The following SMOC2 variants were observed in gnomAD, a reference collection of about 807,000 sequenced individuals.
The protein encoded by SMOC2 is SPARC related modular calcium binding 2.
In SMOC2, 39 loss-of-function variants were observed where a neutral mutation model predicts 61.4. The ratio of observed to expected loss-of-function variants is 0.64; its 90% confidence interval spans 0.49 to 0.83. The LOEUF (loss-of-function observed/expected upper bound fraction) is 0.83, where lower values mean the gene tolerates loss of function less well. Among genes scored for constraint, SMOC2 ranks in the 40% least tolerant of loss-of-function variants. SMOC2 has a pLI of 0.00. For missense variants in SMOC2, 556 were observed against 592.9 expected, an observed-to-expected ratio of 0.94 and a Z score of 0.65; for synonymous variants, 247 against 239.9, an observed-to-expected ratio of 1.03 and a Z score of -0.27.
chr6:168,625,507 G>T (rs1047574851), intron 9 of SMOC2, among the ~76,000 whole-genome samples: 11 of 152,174 alleles, frequency 7.2e-5, no homozygotes, highest in Admixed American at 5.2e-4. Context: ...TCTTTTTATC[G>T]TAACATTTGC....
At chr6:168,450,736 A>T (rs1158219274) in intron 1 of SMOC2, among the ~76,000 whole-genome samples, 12 of 152,170 alleles carry the variant, frequency 7.9e-5, no homozygotes, top group Admixed American at 7.2e-4. Context: ...TCCTTTTAAG[A>T]ATGTGGTCCC....
chr6:168,642,329 T>C (rs1415453922), intron 9 of SMOC2, among the ~76,000 whole-genome samples: 2 of 152,248 alleles, frequency 1.3e-5, no homozygotes, highest in Non-Finnish European at 2.9e-5. Context: ...GTTTGAACAG[T>C]TGGCTACGTT....
chr6:168,630,025 C>A (rs577350102), intron 9 of SMOC2, among the ~76,000 whole-genome samples: 1 of 152,174 alleles, frequency 6.6e-6, no homozygotes, highest in African/African-American at 2.4e-5. Context: ...ACCCTCATTT[C>A]TCAGGGTTCT....
At chr6:168,487,896 ATATTC>A (rs1296232969) in intron 1 of SMOC2, among the ~76,000 whole-genome samples, 1 of 152,206 alleles carries the variant, frequency 6.6e-6, no homozygotes, top group Non-Finnish European at 1.5e-5. Context: ...ATTTACATGT[ATATTC>A]TATATGTAAA....
At chr6:168,491,578 C>T (rs530972900) in intron 1 of SMOC2, among the ~76,000 whole-genome samples, 5 of 152,164 alleles carry the variant, frequency 3.3e-5, no homozygotes, top group African/African-American at 1.2e-4. Context: ...GCTTCCTGTG[C>T]GTATGTAAAG....
At chr6:168,591,589 A>C (rs1463736725) in intron 7 of SMOC2, among the ~76,000 whole-genome samples, 1 of 150,454 alleles carries the variant, frequency 6.6e-6, no homozygotes, top group Non-Finnish European at 1.5e-5. Context: ...TGGGAGAATA[A>C]TAAATTATAC....
intron 1 of SMOC2, among the ~76,000 whole-genome samples, chr6:168,477,283 C>G (rs1782109777): frequency 6.6e-6 from 1 of 152,198 alleles, no homozygotes; most frequent in Non-Finnish European, 1.5e-5. Context: ...TTGAGATCAG[C>G]AACCGCAACC....
intron 7 of SMOC2, among the ~76,000 whole-genome samples, chr6:168,559,727 A>C (rs1784351614): frequency 6.6e-6 from 1 of 151,136 alleles, no homozygotes; most frequent in Admixed American, 6.6e-5. Flanking sequence ...ATCAACAGCA[A>C]CCCTCTCCCT....
chr6:168,597,842 G>A (rs1475310657), intron 7 of SMOC2, among the ~76,000 whole-genome samples: 1 of 152,230 alleles, frequency 6.6e-6, no homozygotes, highest in Non-Finnish European at 1.5e-5. Context: ...CCCCAGGTGA[G>A]GGCCAGTCAG....
intron 1 of SMOC2, among the ~76,000 whole-genome samples, chr6:168,451,167 C>A (rs1230346083): frequency 6.6e-6 from 1 of 152,190 alleles, no homozygotes; most frequent in East Asian, 1.9e-4. Flanking sequence ...AGCTTTCCCT[C>A]CCTCCCTCGG....
rs1450580471 is a variant in SMOC2, at chr6:168,453,457, T to C, written c.84+12003T>C. On this transcript the variant is annotated intron_variant, in intron 1 of 12. Coordinates refer to ENST00000356284, the MANE Select transcript of SMOC2 (RefSeq NM_001166412.2). This position sits in a 1 kb window ranked among gnomAD's most constrained non-coding sequence, Gnocchi z 4.4. ...GGCTCTCTCTTTCTCTCTGTCTCTG[T>C]GTGTCTCTCAGTTCTGTCTCTCAGT... Among the ~76,000 whole-genome samples the C allele has an allele frequency of 2.6e-5, 4 of 152,168 alleles. No homozygotes were observed. Among genetic ancestry groups the C allele is most frequent in the Non-Finnish European group, 5.9e-5 (4 of 68,024 alleles).
chr6:168,441,418 C>A lies in SMOC2; in HGVS notation c.48C>A (p.Leu16=). 1.3e-6 allele frequency: 2 copies of A among 1,509,676 alleles called. No individual in the cohort carries two copies. The highest frequency in any genetic ancestry group is 1.2e-5 in the South Asian group (1 of 80,688). The allele number at this position is 1,509,676 out of a possible 1,614,324, so 93.5% of individuals were successfully genotyped here. The change falls in exon 1 of 13, where the codon CTC becomes CTA. Residue 16 remains leucine, a synonymous_variant. Coordinates refer to ENST00000356284, the MANE Select transcript of SMOC2 (RefSeq NM_001166412.2). ...GGCTGCCGCTGCTCGCTGGGCTGCT[C>A]CCGCCGGTGCCCGCTCAGAAGTTCT... ...LCWLPLLAGL[L]PPVPAQKFSA... is the part of the protein sequence containing the mutation.
intron 1 of SMOC2, among the ~76,000 whole-genome samples, chr6:168,500,794 G>A (rs2115041923): frequency 6.6e-6 from 1 of 152,318 alleles, no homozygotes; most frequent in East Asian, 1.9e-4. Flanking sequence ...CTGCTTCACA[G>A]TGGCCGCCGA....
In SMOC2 at chr6:168,537,035, A is replaced by C. The variant is rs185696987; in HGVS notation, c.464-6590A>C. On this transcript the variant is annotated intron_variant, in intron 4 of 12. Coordinates refer to ENST00000356284, the MANE Select transcript of SMOC2 (RefSeq NM_001166412.2). ...GCAGCTCTCAGGGTACAGGGGAGACAAGCCCGTGGTCACCTCCCTCGGCCG... is the reference window on the plus strand; with the variant it reads ...GCAGCTCTCAGGGTACAGGGGAGACCAGCCCGTGGTCACCTCCCTCGGCCG... Among the ~76,000 whole-genome samples the C allele has an allele frequency of 2.7e-4, 41 of 152,344 alleles. 1 individual carries two copies. The highest frequency in any genetic ancestry group is 9.9e-4 in the African/African-American group (41 of 41,590).
chr6:168,554,019 G>A (rs778585297), intron 7 of SMOC2, among the ~76,000 whole-genome samples: 4 of 146,098 alleles, frequency 2.7e-5, no homozygotes, highest in South Asian at 2.2e-4. Flanking sequence ...TAAAACTCGC[G>A]TTTGAACTGC....
chr6:168,547,809 G>A (rs1322583421), intron 6 of SMOC2, among the ~76,000 whole-genome samples: 1 of 151,970 alleles, frequency 6.6e-6, no homozygotes, highest in Admixed American at 6.6e-5. Context: ...TGTTTTTCCT[G>A]ATGTCTTTGG....
rs574095108 is a variant in SMOC2, at chr6:168,560,514, C to T, written c.637+11311C>T. Among the ~76,000 whole-genome samples the T allele has an allele frequency of 1.4e-5, 2 of 146,256 alleles. 1 individual carries two copies. Among genetic ancestry groups the T allele is most frequent in the South Asian group, 4.3e-4 (2 of 4,606 alleles). ...TTCTGGCCCTGAGATGTGAGGCTCT[C>T]ACTGCGTTCTTGGAGGAGGTGTCAT... On this transcript the variant is annotated intron_variant, in intron 7 of 12. Transcript: ENST00000356284.
intron 9 of SMOC2, among the ~76,000 whole-genome samples, chr6:168,633,085 C>A (rs1786612370): frequency 6.6e-6 from 1 of 152,202 alleles, no homozygotes; most frequent in East Asian, 1.9e-4. Context: ...ATCTGCACTG[C>A]TGTTTGAGGA....
intron 7 of SMOC2, among the ~76,000 whole-genome samples, chr6:168,594,737 T>C (rs1785268793): frequency 1.7e-5 from 1 of 58,604 alleles, no homozygotes; most frequent in Admixed American, 1.3e-4. Flanking sequence ...CACGGGCATC[T>C]TTCTAGAGGA....
Sources: allele counts gnomAD v4.1 joint callset (sites outside exome capture counted in the v4.1 genomes callset), GRCh38; gene constraint gnomAD v4.1.1; non-coding constraint Gnocchi (gnomAD v3.1); transcripts MANE v1.5; gene names NCBI Gene and HGNC (gene_info 2026-07-23, HGNC 2026-07-21).